NDUFA13: variants seen among roughly 807,000 people sequenced by gnomAD.
The protein encoded by NDUFA13 is NADH dehydrogenase [ubiquinone] 1 alpha subcomplex subunit 13.
A neutral mutation model predicts 17.0 loss-of-function variants in NDUFA13; 16 were observed. That is an observed-to-expected ratio of 0.94 (90% CI 0.64 to 1.43). The LOEUF (loss-of-function observed/expected upper bound fraction) is 1.43. Among genes scored for constraint, NDUFA13 ranks in the 40% most tolerant of loss-of-function variants. NDUFA13 has a pLI of 0.00. For synonymous variants in NDUFA13, 87 were observed against 78.4 expected, an observed-to-expected ratio of 1.11 and a Z score of -0.58; for missense variants, 228 against 206.7, an observed-to-expected ratio of 1.10 and a Z score of -0.63.
In NDUFA13 at chr19:19,526,360, G is replaced by T; in HGVS notation, c.173+100G>T. The T allele has an allele frequency of 1.5e-6, 2 of 1,340,354 alleles. 1 individual carries two copies. Among genetic ancestry groups the T allele is most frequent in the South Asian group, 2.5e-5 (2 of 81,156 alleles). The allele number at this position is 1,340,354 out of a possible 1,614,324, so 83.0% of individuals were successfully genotyped here. A position where few individuals can be genotyped will look rare whatever the true frequency, so the allele number is the denominator to read the frequency against. On this transcript the variant is annotated intron_variant, in intron 2 of 4. Transcript: ENST00000507754. ...GTCTGTGCTGGCGAGGGGTGAACGG[G>T]CCCCTTGGACTTGGCTGTGCAATCC...
At chr19:19,526,105 G>A in intron 1 of NDUFA13, 77 bp from the exon 2 acceptor site, 1 of 1,580,028 alleles carries the variant, frequency 6.3e-7, no homozygotes. Flanking sequence ...CCTGATTGCA[G>A]AGTGGGCAGC....
Position 19,527,771 on chromosome 19 carries a change from G to A in NDUFA13, c.315+1G>A. 4 of 1,552,478 alleles carry A rather than the reference G, an allele frequency of 2.6e-6. No individual in the cohort carries two copies. Among genetic ancestry groups the A allele is most frequent in the Non-Finnish European group, 3.5e-6 (4 of 1,147,386 alleles). On this transcript the variant is annotated splice_donor_variant, in intron 4 of 4. Coordinates refer to ENST00000507754, the MANE Select transcript of NDUFA13 (RefSeq NM_015965.7). LOFTEE classifies it high-confidence loss of function. Reference sequence around the variant, plus strand: ...CATGAAGGACGTGCCCGACTGGAAGGTGGGTCCCGGCTGGGAGGGCAGAGG... The same window carrying A: ...CATGAAGGACGTGCCCGACTGGAAGATGGGTCCCGGCTGGGAGGGCAGAGG...
At chr19:19,525,350 G>A (rs1050558739) in intron 1 of NDUFA13, among the ~76,000 whole-genome samples, 1 of 152,262 alleles carries the variant, frequency 6.6e-6, no homozygotes, top group Admixed American at 6.5e-5. Flanking sequence ...GAGCATGACA[G>A]GTGCAGAGCA....
chr19:19,516,610 G>A (rs2061050356), intron 1 of NDUFA13, among the ~76,000 whole-genome samples: 1 of 152,210 alleles, frequency 6.6e-6, no homozygotes, highest in Admixed American at 6.5e-5. Context: ...CTGGCCCTCA[G>A]CCACCCTTGG....
chr19:19,527,162 G>GC, intron 2 of NDUFA13, 119 bp from the exon 3 acceptor site: 31 of 837,400 alleles, frequency 3.7e-5, no homozygotes, highest in Admixed American at 1.6e-4. Flanking sequence ...CCCCCTGCCT[G>GC]CCTCCCCGCC....
Position 19,518,892 on chromosome 19 carries a change from G to A in NDUFA13, c.94+2560G>A, listed in dbSNP as rs1044833443. ...CGAATAGCTAGGATTACAGGCATGTGCCACCATGCACAGCTAATTTTTTGT... is the reference window on the plus strand; with the variant it reads ...CGAATAGCTAGGATTACAGGCATGTACCACCATGCACAGCTAATTTTTTGT... On this transcript the variant is annotated intron_variant, in intron 1 of 4. Transcript: ENST00000507754. 6.6e-5 allele frequency among the ~76,000 whole-genome samples: 10 copies of A among 151,654 alleles called. No homozygotes were observed. In the East Asian group the frequency reaches 2.0e-3, roughly 30 times the overall value.
intron 4 of NDUFA13, 113 bp from the exon 5 acceptor site, chr19:19,527,894 A>G (rs767637255): frequency 4.7e-6 from 7 of 1,493,940 alleles, no homozygotes; most frequent in Non-Finnish European, 6.4e-6. Context: ...CAGGTCCCAC[A>G]AGGGAAGGCT....
rs750332608 is a variant in NDUFA13, at chr19:19,526,074, C to T, written c.95-108C>T. ...GTGTCACAGTCCAAGCAGCCTCACT[C>T]CTGAGAAGCCGCCAGTGTCCCCTGA... On this transcript the variant is annotated intron_variant, in intron 1 of 4. Coordinates refer to ENST00000507754, the MANE Select transcript of NDUFA13 (RefSeq NM_015965.7). 1.9e-6 allele frequency: 3 copies of T among 1,545,882 alleles called. No individual in the cohort carries two copies. In the South Asian group the frequency reaches 3.5e-5, roughly 18 times the overall value.
chr19:19,527,447 G>T (rs1320911195), intron 3 of NDUFA13, 95 bp downstream of exon 3: 1 of 1,435,098 alleles, frequency 7.0e-7, no homozygotes, highest in Non-Finnish European at 9.8e-7. Flanking sequence ...CAGAATGCAC[G>T]TGGGGGCCAT....
At chr19:19,519,903 G>A (rs762667630) in intron 1 of NDUFA13, among the ~76,000 whole-genome samples, 3 of 152,040 alleles carry the variant, frequency 2.0e-5, no homozygotes, top group Non-Finnish European at 4.4e-5. Flanking sequence ...CTGTCTGCCT[G>A]GGTCAGCCAT....
At chr19:19,524,679 G>A (rs1422843152) in intron 1 of NDUFA13, among the ~76,000 whole-genome samples, 3 of 152,124 alleles carry the variant, frequency 2.0e-5, no homozygotes, top group Admixed American at 6.6e-5. Context: ...GGTGGTGGGC[G>A]CCTGTAGTCC....
intron 3 of NDUFA13, 95 bp downstream of exon 3, chr19:19,527,447 G>A (rs1320911195): frequency 7.7e-6 from 11 of 1,434,974 alleles, no homozygotes; most frequent in South Asian, 3.4e-5. Flanking sequence ...CAGAATGCAC[G>A]TGGGGGCCAT....
chr19:19,527,183 T>G, intron 2 of NDUFA13, 98 bp from the exon 3 acceptor site: 51 of 405,536 alleles, frequency 1.3e-4, no homozygotes, highest in Non-Finnish European at 1.7e-4. Flanking sequence ...CCCCTCCGCC[T>G]CTTCCCCCAG....
intron 1 of NDUFA13, among the ~76,000 whole-genome samples, chr19:19,522,841 T>C (rs2061084230): frequency 6.6e-6 from 1 of 152,216 alleles, no homozygotes; most frequent in African/African-American, 2.4e-5. Context: ...TCCTCATTCT[T>C]TAGCATGTGG....
At chr19:19,521,393 A>G (rs1346311252) in intron 1 of NDUFA13, among the ~76,000 whole-genome samples, 1 of 151,826 alleles carries the variant, frequency 6.6e-6, no homozygotes, top group African/African-American at 2.4e-5. Context: ...ATTTTTTATT[A>G]TTTTTTTCAA....
In NDUFA13 at chr19:19,527,281, G is replaced by C. The variant is rs374310014; in HGVS notation, c.174G>C (p.Arg58Ser). 2 of 1,613,938 alleles carry C rather than the reference G, an allele frequency of 1.2e-6. No individual in the cohort carries two copies. Among genetic ancestry groups the C allele is most frequent in the Non-Finnish European group, 8.5e-7 (1 of 1,180,002 alleles). The part of the protein sequence containing the change: ...WSIMKWNRER[R>S]RLQIEDFEAR... ...GAGTGTGGGTTTCGGGCTTTCACAG[G>C]CGCCTACAAATCGAGGACTTCGAGG... Residue 58 changes from arginine (R) to serine (S), a missense_variant and splice_region_variant, in exon 3 of 5, where the codon AGG (arginine) becomes AGC (serine). Coordinates refer to ENST00000507754, the MANE Select transcript of NDUFA13 (RefSeq NM_015965.7).
At chr19:19,527,167 C>T (rs2061104390) in intron 2 of NDUFA13, 114 bp from the exon 3 acceptor site, 1 of 1,054,444 alleles carries the variant, frequency 9.5e-7, no homozygotes, top group Middle Eastern at 2.4e-4. Context: ...TGCCTGCCTC[C>T]CCGCCCCCCT....
rs749948988 is a variant in NDUFA13 at position 19,527,314 on chromosome 19, C to G, written c.207C>G (p.Ile69Met). ...RLQIEDFEAR[I>M]ALLPLLQAET... The stretch of plus-strand genomic sequence containing the variant: ...AAATCGAGGACTTCGAGGCTCGCAT[C>G]GCGCTGTTGCCACTGTTACAGGCAG... The change falls in exon 3 of 5, where the codon ATC (isoleucine) becomes ATG (methionine). Residue 69 changes from isoleucine to methionine, a missense_variant. Transcript: ENST00000507754. 8 of 1,613,960 alleles carry G rather than the reference C, an allele frequency of 5.0e-6. No homozygotes were observed. Among genetic ancestry groups the G allele is most frequent in the African/African-American group, 1.3e-5 (1 of 75,068 alleles).
chr19:19,525,558 G>C (rs2061096041), intron 1 of NDUFA13, among the ~76,000 whole-genome samples: 1 of 152,228 alleles, frequency 6.6e-6, no homozygotes, highest in African/African-American at 2.4e-5. Context: ...GATCTGGAGG[G>C]TGCAGGGTGA....
Sources: allele counts gnomAD v4.1 joint callset (sites outside exome capture counted in the v4.1 genomes callset), GRCh38; gene constraint gnomAD v4.1.1; transcripts MANE v1.5; gene names NCBI Gene and HGNC (gene_info 2026-07-23, HGNC 2026-07-21).